The following STUM variants were observed in gnomAD, a reference collection of about 807,000 sequenced individuals.
STUM encodes the protein protein stum homolog.
A neutral mutation model predicts 15.3 loss-of-function variants in STUM; 8 were observed. The observed-to-expected ratio is 0.52, with a 90% CI of 0.31 to 0.94. STUM has a LOEUF of 0.94. Ranked by LOEUF, STUM falls within the 40% of genes least tolerant of loss-of-function variation. The pLI, the probability that STUM is intolerant of heterozygous loss-of-function variation, is 0.05. For missense variants in STUM, 142 were observed against 204.9 expected (o/e 0.69, Z 1.87); for synonymous variants, 78 against 88.7 (o/e 0.88, Z 0.68).
intron 1 of STUM, among the ~76,000 whole-genome samples, chr1:226,561,617 C>A (rs997808313): frequency 6.6e-6 from 1 of 152,114 alleles, no homozygotes; most frequent in Non-Finnish European, 1.5e-5. Flanking sequence ...CTCTAATTAC[C>A]CTGTGAACTT....
rs1323433385 is a variant in STUM, at chr1:226,603,974, C to G, written c.*1934C>G. ...ATCCTCCAGGCTGGTGCTGGCTGCT[C>G]TCGAGGAAGCTGCGTCAGAGTGGAG... On this transcript the variant is annotated 3_prime_UTR_variant, in exon 4 of 4. Transcript: ENST00000366788. 2 of 152,308 alleles carry G rather than the reference C, an allele frequency of 1.3e-5. No homozygotes were observed. 9.4% of individuals were successfully genotyped at this position (152,308 alleles called of 1,614,324 possible).
Position 226,604,811 on chromosome 1 carries a change from G to C in STUM, c.*2771G>C, listed in dbSNP as rs544278244. 8.5e-5 allele frequency: 13 copies of C among 152,326 alleles called. No individual in the cohort carries two copies. Among genetic ancestry groups the C allele is most frequent in the African/African-American group, 2.9e-4 (12 of 41,456 alleles). 9.4% of individuals were successfully genotyped at this position (152,326 alleles called of 1,614,324 possible). A position where few individuals can be genotyped will look rare whatever the true frequency, so the allele number is the denominator to read the frequency against. Reference sequence around the variant, plus strand: ...ACATTCCAGGTTGGGGCCTTTTGTCGGTCGGAATTCAATAGGACATTCCCT... The same window carrying C: ...ACATTCCAGGTTGGGGCCTTTTGTCCGTCGGAATTCAATAGGACATTCCCT... On this transcript the variant is annotated 3_prime_UTR_variant, in exon 4 of 4. Transcript: ENST00000366788. This position sits in a 1 kb window ranked among gnomAD's most constrained non-coding sequence, Gnocchi z 4.7.
chr1:226,580,695 A>C (rs1269707202), intron 1 of STUM, among the ~76,000 whole-genome samples: 1 of 152,006 alleles, frequency 6.6e-6, no homozygotes, highest in Non-Finnish European at 1.5e-5. Context: ...ACTGCTCCCC[A>C]TGCTGCCCCC....
At chr1:226,564,682 G>A (rs1356859398) in intron 1 of STUM, among the ~76,000 whole-genome samples, 1 of 152,174 alleles carries the variant, frequency 6.6e-6, no homozygotes, top group East Asian at 1.9e-4. Context: ...CTAGTGGAGG[G>A]CCCACTGCAG....
rs538421678 is a variant in STUM at position 226,579,970 on chromosome 1, A to C, written c.203-16832A>C. ...CAATGGGAGCAGCCGAAGGATAATC[A>C]TATCTGCATCTTGAAAACATCCCTG... On this transcript the variant is annotated intron_variant, in intron 1 of 3. Transcript: ENST00000366788. 9.2e-5 allele frequency among the ~76,000 whole-genome samples: 14 copies of C among 152,288 alleles called. 1 individual carries two copies. Among genetic ancestry groups the C allele is most frequent in the African/African-American group, 3.4e-4 (14 of 41,566 alleles).
In STUM at chr1:226,579,628, C is replaced by CTTT. The variant is rs772749044; in HGVS notation, c.203-17171_203-17169dup. ...AGACCAACTTGGGAAGGCCTTATTTCTTTTTCTTTTTCTTTTTCTTTTGAG... is the reference window on the plus strand; with the variant it reads ...AGACCAACTTGGGAAGGCCTTATTTCTTTTTTTTCTTTTTCTTTTTCTTTTGAG... On this transcript the variant is annotated intron_variant, in intron 1 of 3. Transcript: ENST00000366788. Among the ~76,000 whole-genome samples, 63 of 132,138 alleles carry CTTT rather than the reference C, an allele frequency of 4.8e-4. 1 individual carries two copies. Among genetic ancestry groups the CTTT allele is most frequent in the Non-Finnish European group, 5.0e-4 (31 of 62,156 alleles). 86.7% of individuals were successfully genotyped at this position (132,138 alleles called of 152,430 possible).
intron 1 of STUM, among the ~76,000 whole-genome samples, chr1:226,596,535 T>A (rs1245882598): frequency 2.0e-5 from 3 of 152,160 alleles, no homozygotes; most frequent in African/African-American, 7.2e-5. Flanking sequence ...CTTCCTTGTC[T>A]CCCCCAGAGG....
At chr1:226,571,663 G>A (rs1260784357) in intron 1 of STUM, among the ~76,000 whole-genome samples, 2 of 151,340 alleles carry the variant, frequency 1.3e-5, no homozygotes, top group South Asian at 2.1e-4. Context: ...TTTTGAGATG[G>A]AGTTTCACTC....
chr1:226,558,734 C>A (rs1469498437), intron 1 of STUM, among the ~76,000 whole-genome samples: 2 of 152,146 alleles, frequency 1.3e-5, no homozygotes, highest in Admixed American at 1.3e-4. Flanking sequence ...ATAGACTTTA[C>A]CTATAGTTAT....
intron 1 of STUM, among the ~76,000 whole-genome samples, chr1:226,588,822 G>A (rs528939456): frequency 1.3e-5 from 2 of 152,294 alleles, no homozygotes; most frequent in African/African-American, 4.8e-5. Context: ...CTTGGCAATG[G>A]GTCCTGTTTC....
chr1:226,585,703 C>T (rs1021661349), intron 1 of STUM, among the ~76,000 whole-genome samples: 14 of 152,198 alleles, frequency 9.2e-5, no homozygotes, highest in Non-Finnish European at 1.9e-4. Context: ...TCTCACCGCC[C>T]CGTGGGATTC....
chr1:226,573,002 G>A (rs1667743115), intron 1 of STUM, among the ~76,000 whole-genome samples: 1 of 152,244 alleles, frequency 6.6e-6, no homozygotes, highest in Non-Finnish European at 1.5e-5. Flanking sequence ...CACATGGGAA[G>A]CAGTAGGATG....
Position 226,548,772 on chromosome 1 carries a change from C to T in STUM, c.-133C>T. ...GGAGGGCGGGAGTCTCCGCGAGCCGCGCGGCGCACGGAGCACGGCGGCCGC... is the reference window on the plus strand; with the variant it reads ...GGAGGGCGGGAGTCTCCGCGAGCCGTGCGGCGCACGGAGCACGGCGGCCGC... On this transcript the variant is annotated 5_prime_UTR_variant, in exon 1 of 4. Transcript: ENST00000366788. 1.5e-6 allele frequency: 1 copy of T among 673,734 alleles called. No individual in the cohort carries two copies. The highest frequency in any genetic ancestry group is 2.0e-6 in the Non-Finnish European group (1 of 494,956). The allele number at this position is 673,734 out of a possible 1,614,324, so 41.7% of individuals were successfully genotyped here.
intron 1 of STUM, among the ~76,000 whole-genome samples, chr1:226,594,867 G>C (rs1668151464): frequency 6.6e-6 from 1 of 152,160 alleles, no homozygotes; most frequent in African/African-American, 2.4e-5. Context: ...TGTTGGCCAG[G>C]CTGGTCCCAA....
At chr1:226,597,057 G>A (rs1293936149) in intron 2 of STUM, 76 bp downstream of exon 2, 1 of 1,401,914 alleles carries the variant, frequency 7.1e-7, no homozygotes. Context: ...AGACCTTCAT[G>A]TCTGGCCGAG....
chr1:226,589,916 G>A (rs1224759667), intron 1 of STUM, among the ~76,000 whole-genome samples: 1 of 151,256 alleles, frequency 6.6e-6, no homozygotes, highest in Non-Finnish European at 1.5e-5. Flanking sequence ...CCATCAGAGC[G>A]AGGACTGGTA....
intron 1 of STUM, among the ~76,000 whole-genome samples, chr1:226,554,526 T>G (rs1667419009): frequency 6.6e-6 from 1 of 152,188 alleles, no homozygotes; most frequent in Non-Finnish European, 1.5e-5. Context: ...TGGAATCATC[T>G]GGAAACAAGA....
Position 226,607,652 on chromosome 1 carries a change from A to G in STUM, c.*5612A>G, listed in dbSNP as rs188194117. ...CACTCTCCCCTCCTGATGCTACCGC[A>G]GAGGGCAGAAAGGTGCCCTGTAGCG... On this transcript the variant is annotated 3_prime_UTR_variant, in exon 4 of 4. Transcript: ENST00000366788. 6.2e-4 allele frequency: 94 copies of G among 152,448 alleles called. No homozygotes were observed. The highest frequency in any genetic ancestry group is 2.2e-3 in the African/African-American group (92 of 41,578). 9.4% of individuals were successfully genotyped at this position (152,448 alleles called of 1,614,324 possible).
chr1:226,592,569 G>C (rs1420215290), intron 1 of STUM, among the ~76,000 whole-genome samples: 1 of 152,228 alleles, frequency 6.6e-6, no homozygotes, highest in Non-Finnish European at 1.5e-5. Flanking sequence ...GGGCTGCACA[G>C]TGCTTAGCAT....
Sources: allele counts gnomAD v4.1 joint callset (sites outside exome capture counted in the v4.1 genomes callset), GRCh38; gene constraint gnomAD v4.1.1; non-coding constraint Gnocchi (gnomAD v3.1); transcripts MANE v1.5; gene names NCBI Gene and HGNC (gene_info 2026-07-23, HGNC 2026-07-21).